The following RFC3 variants were observed in gnomAD, a reference collection of about 807,000 sequenced individuals.
The protein encoded by RFC3 is replication factor C subunit 3.
Under a neutral mutation model 45.1 loss-of-function variants are expected in RFC3, and 41 were observed. The observed-to-expected ratio is 0.91, with a 90% CI of 0.71 to 1.18. The LOEUF (loss-of-function observed/expected upper bound fraction) is 1.18, where lower values mean the gene tolerates loss of function less well. Ranked by LOEUF, RFC3 falls within the 50% of genes most tolerant of loss-of-function variation. RFC3 has a pLI of 0.00. For missense variants in RFC3, 423 were observed against 428.1 expected (o/e 0.99, Z 0.10); for synonymous variants, 149 against 144.0 (o/e 1.03, Z -0.25).
At chr13:33,865,482 G>GTAA (rs10685873) in intron 8 of RFC3, among the ~76,000 whole-genome samples, 118,527 of 151,918 alleles carry the variant, frequency 0.78, 48,274 homozygotes, top group Non-Finnish European at 0.92. Context: ...TAAGAAAAGA[G>GTAA]TAACAGGACT....
At chr13:33,886,254 A>G (rs1483067697) in intron 8 of RFC3, among the ~76,000 whole-genome samples, 2 of 152,182 alleles carry the variant, frequency 1.3e-5, no homozygotes, top group Admixed American at 1.3e-4. Flanking sequence ...GATTTTAAGA[A>G]AATGAAACCG....
intron 3 of RFC3, among the ~76,000 whole-genome samples, chr13:33,824,948 C>T (rs191597130): frequency 1.3e-5 from 2 of 152,110 alleles, no homozygotes; most frequent in East Asian, 1.9e-4. Context: ...GGAAAATGAT[C>T]GTAAGAGCAA....
chr13:33,940,547 T>A (rs2082916564), intron 8 of RFC3, among the ~76,000 whole-genome samples: 1 of 152,242 alleles, frequency 6.6e-6, no homozygotes, highest in Admixed American at 6.5e-5. Context: ...GTGTGTCAAG[T>A]ATGTTCATCA....
intron 8 of RFC3, among the ~76,000 whole-genome samples, chr13:33,897,616 G>A (rs779186450): frequency 5.3e-5 from 8 of 151,870 alleles, no homozygotes; most frequent in Non-Finnish European, 1.0e-4. Flanking sequence ...CAATTAAAAG[G>A]CATAGAGTGG....
intron 8 of RFC3, among the ~76,000 whole-genome samples, chr13:33,927,061 A>G (rs894453411): frequency 4.6e-5 from 7 of 152,038 alleles, no homozygotes; most frequent in Non-Finnish European, 1.0e-4. Flanking sequence ...AATATATTAT[A>G]TATTCCTCCC....
intron 8 of RFC3, among the ~76,000 whole-genome samples, chr13:33,958,547 C>T (rs1437037707): frequency 6.6e-6 from 1 of 152,182 alleles, no homozygotes; most frequent in Non-Finnish European, 1.5e-5. Context: ...TCTGAACATA[C>T]TTTGGAAACG....
At chr13:33,880,843 G>T (rs1238180242) in intron 8 of RFC3, among the ~76,000 whole-genome samples, 1 of 152,164 alleles carries the variant, frequency 6.6e-6, no homozygotes, top group African/African-American at 2.4e-5. Flanking sequence ...AGATCACAAG[G>T]TCAGGAGTTC....
chr13:33,821,759 T>C (rs1426767560), intron 2 of RFC3, among the ~76,000 whole-genome samples: 1 of 152,248 alleles, frequency 6.6e-6, no homozygotes, highest in South Asian at 2.1e-4. Flanking sequence ...TCCAGCTGCA[T>C]ACCGTGTAGC....
rs575310094 is a variant in RFC3 at position 33,957,669 on chromosome 13, A to G, written c.880-8418A>G. On this transcript the variant is annotated intron_variant, in intron 8 of 8. Coordinates refer to the RFC3 transcript ENST00000434425. ...CGGAAGCTCTAAGTTCACTTAGACA[A>G]ACATGTCACTGTGATGGCTGATCTT... 6.6e-5 allele frequency among the ~76,000 whole-genome samples: 10 copies of G among 152,272 alleles called. No individual in the cohort carries two copies. In the South Asian group the frequency reaches 1.5e-3, roughly 22 times the overall value.
At chr13:33,881,200 A>G (rs1323053931) in intron 8 of RFC3, among the ~76,000 whole-genome samples, 1 of 152,238 alleles carries the variant, frequency 6.6e-6, no homozygotes, top group Admixed American at 6.5e-5. Context: ...TGATATTAAC[A>G]TATTTTTAGA....
At chr13:33,864,232 G>C (rs2082359345) in intron 8 of RFC3, among the ~76,000 whole-genome samples, 1 of 151,976 alleles carries the variant, frequency 6.6e-6, no homozygotes, top group Non-Finnish European at 1.5e-5. Flanking sequence ...CCTTCCTAAG[G>C]GACCTGCCTT....
Position 33,899,204 on chromosome 13 carries a change from C to CAAAAAAAAAAAAAAAA in RFC3, c.879+63997_879+64012dup, listed in dbSNP as rs59221382. 9.0e-3 allele frequency among the ~76,000 whole-genome samples: 470 copies of CAAAAAAAAAAAAAAAA among 52,012 alleles called. 5 individuals carry two copies. Among genetic ancestry groups the CAAAAAAAAAAAAAAAA allele is most frequent in the African/African-American group, 9.2e-3 (138 of 14,992 alleles). 34.1% of individuals were successfully genotyped at this position (52,012 alleles called of 152,430 possible). A position where few individuals can be genotyped will look rare whatever the true frequency, so the allele number is the denominator to read the frequency against. On this transcript the variant is annotated intron_variant, in intron 8 of 8. Coordinates refer to the RFC3 transcript ENST00000434425. ...AAAACCAGACGAAGACACAATAAGA[C>CAAAAAAAAAAAAAAAA]AAAAAAAAAAAAAAAAAAAAAAAAA... is the stretch of plus-strand genomic sequence containing the variant.
chr13:33,851,254 T>G (rs1385636852), intron 8 of RFC3, among the ~76,000 whole-genome samples: 2 of 152,208 alleles, frequency 1.3e-5, no homozygotes, highest in African/African-American at 4.8e-5. Flanking sequence ...TTTACAAAGA[T>G]TGGATTCCTT....
intron 2 of RFC3, among the ~76,000 whole-genome samples, chr13:33,821,472 AAG>A (rs1359903129): frequency 1.5e-4 from 23 of 152,234 alleles, no homozygotes; most frequent in Admixed American, 5.9e-4. Context: ...GATAGGAAAT[AAG>A]AGCAACAGAG....
At chr13:33,844,721 CTTA>C (rs1453376373) in intron 8 of RFC3, among the ~76,000 whole-genome samples, 12 of 152,212 alleles carry the variant, frequency 7.9e-5, no homozygotes, top group East Asian at 1.9e-4. Context: ...CTGTTTATAT[CTTA>C]TTATACTGTC....
At chr13:33,889,777 T>G (rs2082552270) in intron 8 of RFC3, among the ~76,000 whole-genome samples, 1 of 152,156 alleles carries the variant, frequency 6.6e-6, no homozygotes, top group Admixed American at 6.6e-5. Flanking sequence ...ACAGCAACCT[T>G]TTTAGATGCC....
chr13:33,867,949 A>G (rs184385391), intron 8 of RFC3, among the ~76,000 whole-genome samples: 84 of 152,328 alleles, frequency 5.5e-4, no homozygotes, highest in African/African-American at 1.9e-3. Context: ...ATTTCAGGCC[A>G]CTGGCTACAG....
chr13:33,891,188 A>G (rs2082561375), intron 8 of RFC3, among the ~76,000 whole-genome samples: 1 of 152,224 alleles, frequency 6.6e-6, no homozygotes, highest in African/African-American at 2.4e-5. Flanking sequence ...TATTAAATAT[A>G]CAACTAAGAG....
chr13:33,962,371 G>T (rs1430237698), intron 8 of RFC3, among the ~76,000 whole-genome samples: 5 of 152,078 alleles, frequency 3.3e-5, no homozygotes, highest in African/African-American at 4.8e-5. Context: ...CCATTTTTCT[G>T]TTCTTTACTC....
Sources: gnomAD v4.1 joint callset for allele counts (sites outside exome capture counted in the v4.1 genomes callset) on GRCh38, gnomAD v4.1.1 for gene constraint, MANE v1.5 for transcripts, NCBI Gene and HGNC (gene_info 2026-07-23, HGNC 2026-07-21) for gene names.